PPFIA1: variants seen among roughly 807,000 people sequenced by gnomAD.
PPFIA1 encodes the protein PPFI scaffold protein A1.
In PPFIA1, 25 loss-of-function variants were observed where a neutral mutation model predicts 149.9. The observed-to-expected ratio is 0.17, with a 90% CI of 0.12 to 0.23. PPFIA1 has a LOEUF of 0.23. Ranked by LOEUF, PPFIA1 falls within the 10% of genes least tolerant of loss-of-function variation. PPFIA1 has a pLI of 1.00. For synonymous variants in PPFIA1, 549 were observed against 552.8 expected (o/e 0.99, Z 0.10); for missense variants, 1,362 against 1,506.5 (o/e 0.90, Z 1.59).
At chr11:70,377,945 GCAGT>G in intron 25 of PPFIA1, 81 bp from the exon 26 acceptor site, 1 of 1,040,098 alleles carries the variant, frequency 9.6e-7, no homozygotes, top group Non-Finnish European at 1.4e-6. Flanking sequence ...CTCGAGATCA[GCAGT>G]CATTTTAAAG....
chr11:70,300,819 C>G (rs1387561692), intron 2 of PPFIA1, among the ~76,000 whole-genome samples: 1 of 152,204 alleles, frequency 6.6e-6, no homozygotes, highest in African/African-American at 2.4e-5. Flanking sequence ...AGGCATGAGC[C>G]ACCGCGCCCG....
At chr11:70,283,784 G>C (rs560627857) in intron 2 of PPFIA1, among the ~76,000 whole-genome samples, 3 of 151,324 alleles carry the variant, frequency 2.0e-5, no homozygotes, top group African/African-American at 7.3e-5. Context: ...GGACGGGGGT[G>C]GGGGAGAGTA....
chr11:70,333,446 A>G, intron 9 of PPFIA1, 24 bp from the exon 10 acceptor site: 2 of 1,593,272 alleles, frequency 1.3e-6, no homozygotes, highest in South Asian at 1.1e-5. Context: ...GGATGACGTC[A>G]GCGTACGCTG....
At chr11:70,347,241 A>G (rs1374719054) in intron 15 of PPFIA1, among the ~76,000 whole-genome samples, 1 of 152,218 alleles carries the variant, frequency 6.6e-6, no homozygotes, top group Admixed American at 6.5e-5. Flanking sequence ...AAATTTTAAA[A>G]TATCACTTAG....
intron 19 of PPFIA1, among the ~76,000 whole-genome samples, chr11:70,359,857 G>A (rs922040483): frequency 7.2e-5 from 11 of 152,348 alleles, no homozygotes; most frequent in African/African-American, 2.2e-4. Context: ...GTAAATGAAC[G>A]GCCCAGAGGG....
At chr11:70,286,037 TA>T (rs2051095719) in intron 2 of PPFIA1, among the ~76,000 whole-genome samples, 1 of 152,182 alleles carries the variant, frequency 6.6e-6, no homozygotes, top group Non-Finnish European at 1.5e-5. Flanking sequence ...TAGGCAGAAC[TA>T]GGGAGGTGGT....
intron 2 of PPFIA1, among the ~76,000 whole-genome samples, chr11:70,310,589 T>C (rs368379758): frequency 1.3e-5 from 2 of 152,122 alleles, no homozygotes; most frequent in Admixed American, 6.6e-5. Flanking sequence ...TTTCACCATG[T>C]TGGCCAGAAT....
At chr11:70,313,873 C>G (rs1017734068) in intron 2 of PPFIA1, among the ~76,000 whole-genome samples, 1 of 152,094 alleles carries the variant, frequency 6.6e-6, no homozygotes, top group African/African-American at 2.4e-5. Flanking sequence ...AGAAAATTAG[C>G]TGGGCATGGT....
chr11:70,325,484 C>T lies in PPFIA1; in HGVS notation c.532-16C>T. ...TATACACACACACACACAAACTCAA[C>T]CCCTTTTATTTTCAGGTGAGAGAGC... On this transcript the variant is annotated splice_polypyrimidine_tract_variant and intron_variant, in intron 4 of 27. Coordinates refer to ENST00000253925, the MANE Select transcript of PPFIA1 (RefSeq NM_003626.5). The T allele has an allele frequency of 1.3e-6, 2 of 1,545,736 alleles. No homozygotes were observed. The highest frequency in any genetic ancestry group is 1.8e-6 in the Non-Finnish European group (2 of 1,118,690).
intron 2 of PPFIA1, among the ~76,000 whole-genome samples, chr11:70,275,349 G>A (rs938580662): frequency 3.9e-5 from 6 of 152,172 alleles, no homozygotes; most frequent in Non-Finnish European, 8.8e-5. Context: ...GTACATATGT[G>A]CATGACAGAT....
intron 2 of PPFIA1, among the ~76,000 whole-genome samples, chr11:70,296,123 T>G (rs2051991232): frequency 6.6e-6 from 1 of 150,380 alleles, no homozygotes. Flanking sequence ...CTAGATGGGA[T>G]GGCAGCCGGG....
intron 16 of PPFIA1, chr11:70,354,073 G>T: frequency 2.1e-6 from 1 of 487,626 alleles, no homozygotes; most frequent in Non-Finnish European, 3.7e-6. Flanking sequence ...GCATACCTGT[G>T]TCCTGTTGGG....
chr11:70,334,295 C>T (rs1374245915), intron 10 of PPFIA1: 1 of 152,192 alleles, frequency 6.6e-6, no homozygotes, highest in Non-Finnish European at 1.5e-5. Context: ...AGAACTCTTG[C>T]ACCGTCACAT....
chr11:70,273,304 C>CT (rs1362148909), intron 2 of PPFIA1, among the ~76,000 whole-genome samples: 1 of 152,038 alleles, frequency 6.6e-6, no homozygotes, highest in African/African-American at 2.4e-5. Context: ...AATTGTTTCT[C>CT]TGAGTATGTT....
Position 70,372,582 on chromosome 11 carries a change from C to T in PPFIA1, c.3139+8C>T. 1 of 1,595,320 alleles carries T rather than the reference C, an allele frequency of 6.3e-7. No individual in the cohort carries two copies. Among genetic ancestry groups the T allele is most frequent in the Non-Finnish European group, 8.6e-7 (1 of 1,165,166 alleles). Reference sequence around the variant, plus strand: ...GTCAGAGTGAAATAAAAGGTTAGTACATGACATTTAATTGATTCGGTTTAC... The same window carrying T: ...GTCAGAGTGAAATAAAAGGTTAGTATATGACATTTAATTGATTCGGTTTAC... On this transcript the variant is annotated splice_region_variant and intron_variant, in intron 23 of 27. Transcript: ENST00000253925.
At chr11:70,351,020 A>C in intron 16 of PPFIA1, 4 of 1,253,144 alleles carry the variant, frequency 3.2e-6, no homozygotes, top group Non-Finnish European at 4.1e-6. Context: ...AACATCGTAG[A>C]AAGGTAAATT....
At chr11:70,346,091 A>G in intron 15 of PPFIA1, 1 of 345,546 alleles carries the variant, frequency 2.9e-6, no homozygotes, top group Middle Eastern at 3.9e-4. Context: ...AACTTACAAA[A>G]CGGGCCAACT....
In PPFIA1 at chr11:70,324,514, C is replaced by T. The variant is rs1451644053; in HGVS notation, c.366+11C>T. ...AGGAATAACACCAGGGTGAGTGTGACCTTTCTGTTCACTGCCTGCCCCTGG... is the reference window on the plus strand; with the variant it reads ...AGGAATAACACCAGGGTGAGTGTGATCTTTCTGTTCACTGCCTGCCCCTGG... On this transcript the variant is annotated intron_variant, in intron 3 of 27. Transcript: ENST00000253925. 1 of 1,590,356 alleles carries T rather than the reference C, an allele frequency of 6.3e-7. No individual in the cohort carries two copies. Among genetic ancestry groups the T allele is most frequent in the Non-Finnish European group, 8.6e-7 (1 of 1,160,382 alleles).
In PPFIA1 at chr11:70,372,405, A is replaced by G; in HGVS notation, c.3041+15A>G. On this transcript the variant is annotated intron_variant, in intron 22 of 27. Coordinates refer to ENST00000253925, the MANE Select transcript of PPFIA1 (RefSeq NM_003626.5). Reference sequence around the variant, plus strand: ...AGTTTTCACAGGTAACTTAATGGAGATAGTTCTTAATAATTGGCTAAGATT... The same window carrying G: ...AGTTTTCACAGGTAACTTAATGGAGGTAGTTCTTAATAATTGGCTAAGATT... 4.3e-6 allele frequency: 7 copies of G among 1,613,734 alleles called. No individual in the cohort carries two copies. Among genetic ancestry groups the G allele is most frequent in the Non-Finnish European group, 5.1e-6 (6 of 1,179,726 alleles).
Sources: gnomAD v4.1 joint callset for allele counts (sites outside exome capture counted in the v4.1 genomes callset) on GRCh38, gnomAD v4.1.1 for gene constraint, MANE v1.5 for transcripts, NCBI Gene and HGNC (gene_info 2026-07-23, HGNC 2026-07-21) for gene names.